VAT1L: variants seen among roughly 807,000 people sequenced by gnomAD.
VAT1L encodes putative NADPH-dependent quinone oxidoreductase VAT1L.
In VAT1L, 34 loss-of-function variants were observed where a neutral mutation model predicts 44.1. The observed-to-expected ratio is 0.77, with a 90% CI of 0.59 to 1.03. The LOEUF (loss-of-function observed/expected upper bound fraction) is 1.03, where lower values mean the gene tolerates loss of function less well. Ranked by LOEUF, VAT1L falls within the 50% of genes least tolerant of loss-of-function variation. The probability of loss-of-function intolerance (pLI) is 0.00; values close to 1 mark genes in which losing one functional copy is unlikely to be tolerated. For synonymous variants in VAT1L, 253 were observed against 202.2 expected (o/e 1.25, Z -2.13); for missense variants, 615 against 538.8 (o/e 1.14, Z -1.40).
rs925680753 is a variant in VAT1L at position 77,799,234 on chromosome 16, CCTCT to C, written c.233+10327_233+10330del. Among the ~76,000 whole-genome samples the C allele has an allele frequency of 5.3e-5, 8 of 149,912 alleles. 1 individual carries two copies. Among genetic ancestry groups the C allele is most frequent in the Admixed American group, 1.3e-4 (2 of 14,902 alleles). On this transcript the variant is annotated intron_variant, in intron 1 of 8. Coordinates refer to ENST00000302536, the MANE Select transcript of VAT1L (RefSeq NM_020927.3). The stretch of plus-strand genomic sequence containing the variant: ...CCTCCTCCTCCTCTCCTTGTCTCTC[CCTCT>C]CTCTCTCCCTCCCTCCCCTCCCCTC...
intron 7 of VAT1L, among the ~76,000 whole-genome samples, chr16:77,886,731 G>A (rs575679613): frequency 2.6e-5 from 4 of 152,302 alleles, no homozygotes; most frequent in East Asian, 3.9e-4. Flanking sequence ...GCTGCCTGTC[G>A]TAATAAGTTC....
At chr16:77,967,895 G>A (rs2018239597) in intron 7 of VAT1L, among the ~76,000 whole-genome samples, 1 of 152,210 alleles carries the variant, frequency 6.6e-6, no homozygotes, top group East Asian at 1.9e-4. Flanking sequence ...AAAGCAGTAC[G>A]GACTAGGCAG....
At chr16:77,892,346 T>G (rs2017275859) in intron 7 of VAT1L, 1 of 309,448 alleles carries the variant, frequency 3.2e-6, no homozygotes, top group African/African-American at 2.2e-5. Context: ...ATTTAGGAGC[T>G]CCTTCTGAGG....
intron 7 of VAT1L, among the ~76,000 whole-genome samples, chr16:77,938,810 A>C (rs1353857224): frequency 6.6e-6 from 1 of 152,196 alleles, no homozygotes; most frequent in Non-Finnish European, 1.5e-5. Flanking sequence ...ATACAGCAAA[A>C]ATAGGTGAGT....
At chr16:77,868,822 C>A (rs1213702666) in intron 4 of VAT1L, among the ~76,000 whole-genome samples, 1 of 152,100 alleles carries the variant, frequency 6.6e-6, no homozygotes, top group East Asian at 1.9e-4. Flanking sequence ...GGTGGCGCTG[C>A]CTTGTCCATT....
intron 6 of VAT1L, among the ~76,000 whole-genome samples, chr16:77,882,596 T>G (rs2017166907): frequency 6.6e-6 from 1 of 152,220 alleles, no homozygotes; most frequent in Non-Finnish European, 1.5e-5. Context: ...GAGATTTGCC[T>G]AAAGTCACAC....
At chr16:77,856,038 A>G (rs1416684418) in intron 3 of VAT1L, among the ~76,000 whole-genome samples, 1 of 152,162 alleles carries the variant, frequency 6.6e-6, no homozygotes, top group Non-Finnish European at 1.5e-5. Context: ...ACAAACAAAC[A>G]AAAAACACTG....
chr16:77,969,188 C>G (rs2927601), intron 7 of VAT1L, among the ~76,000 whole-genome samples: 149,047 of 152,326 alleles, frequency 0.98, 73,002 homozygotes, highest in Middle Eastern at 1. Context: ...TTGTTATCAG[C>G]ACACTCCCAA....
At chr16:77,929,833 G>C (rs1363450385) in intron 7 of VAT1L, among the ~76,000 whole-genome samples, 1 of 152,188 alleles carries the variant, frequency 6.6e-6, no homozygotes, top group Non-Finnish European at 1.5e-5. Context: ...TCGGAAGTTA[G>C]CACAGTAACT....
intron 7 of VAT1L, among the ~76,000 whole-genome samples, chr16:77,930,693 A>G (rs939959590): frequency 2.6e-5 from 4 of 152,158 alleles, no homozygotes; most frequent in Non-Finnish European, 5.9e-5. Flanking sequence ...CCCACTGTTA[A>G]GAAAACCTTC....
intron 7 of VAT1L, among the ~76,000 whole-genome samples, chr16:77,969,377 C>T (rs1194654378): frequency 1.3e-5 from 2 of 151,612 alleles, no homozygotes; most frequent in African/African-American, 4.9e-5. Context: ...TCAGCTGGGG[C>T]TGTGGTCTCA....
chr16:77,900,755 TAAACA>T (rs1399002785), intron 7 of VAT1L, among the ~76,000 whole-genome samples: 2 of 151,490 alleles, frequency 1.3e-5, no homozygotes, highest in Admixed American at 6.6e-5. Flanking sequence ...TGTGCCACCC[TAAACA>T]AAACCATTGT....
chr16:77,833,311 T>G (rs10514430), intron 3 of VAT1L, among the ~76,000 whole-genome samples: 1 of 152,094 alleles, frequency 6.6e-6, no homozygotes, highest in African/African-American at 2.4e-5. Flanking sequence ...CAAGGTGATA[T>G]GAGTATTGAG....
chr16:77,948,812 T>C (rs1328393175), intron 7 of VAT1L, among the ~76,000 whole-genome samples: 2 of 152,334 alleles, frequency 1.3e-5, no homozygotes, highest in East Asian at 3.9e-4. Context: ...ATGTCCCTAA[T>C]GTTCATCTTC....
chr16:77,797,485 A>G (rs903889343), intron 1 of VAT1L, among the ~76,000 whole-genome samples: 6 of 152,094 alleles, frequency 3.9e-5, no homozygotes, highest in Non-Finnish European at 8.8e-5. Flanking sequence ...GGACTGATCT[A>G]TTGCTGCCCT....
At chr16:77,926,883 T>C (rs953277653) in intron 7 of VAT1L, among the ~76,000 whole-genome samples, 2 of 152,160 alleles carry the variant, frequency 1.3e-5, no homozygotes, top group Non-Finnish European at 2.9e-5. Flanking sequence ...CTCTGGCTTC[T>C]TGGGCCACTC....
intron 7 of VAT1L, among the ~76,000 whole-genome samples, chr16:77,927,466 A>G (rs551823593): frequency 1.5e-4 from 23 of 152,126 alleles, no homozygotes; most frequent in Non-Finnish European, 2.1e-4. Flanking sequence ...AAACCAATTG[A>G]TCCATCTCCA....
intron 7 of VAT1L, among the ~76,000 whole-genome samples, chr16:77,940,670 T>C (rs2017871305): frequency 6.6e-6 from 1 of 152,084 alleles, no homozygotes; most frequent in African/African-American, 2.4e-5. Flanking sequence ...GCTCAAAAGT[T>C]AATATGAATT....
rs964903783 is a variant in VAT1L at position 77,979,602 on chromosome 16, T to G, written c.*1907T>G. The G allele has an allele frequency of 6.6e-6, 1 of 151,758 alleles. No individual in the cohort carries two copies. Among genetic ancestry groups the G allele is most frequent in the African/African-American group, 2.4e-5 (1 of 41,290 alleles). 9.4% of individuals were successfully genotyped at this position (151,758 alleles called of 1,614,324 possible). ...CTAGGGCTCTCCTTCCCCCGGGGAGTGGGAACTCAGCCACATTCAGAATTC... is the reference window on the plus strand; with the variant it reads ...CTAGGGCTCTCCTTCCCCCGGGGAGGGGGAACTCAGCCACATTCAGAATTC... On this transcript the variant is annotated 3_prime_UTR_variant, in exon 9 of 9. Transcript: ENST00000302536.
Sources: gnomAD v4.1 joint callset for allele counts (sites outside exome capture counted in the v4.1 genomes callset) on GRCh38, gnomAD v4.1.1 for gene constraint, MANE v1.5 for transcripts, NCBI Gene and HGNC (gene_info 2026-07-23, HGNC 2026-07-21) for gene names.